The following CAMTA1 variants were observed in gnomAD, a reference collection of about 807,000 sequenced individuals.
The protein encoded by CAMTA1 is calmodulin-binding transcription activator 1.
Under a neutral mutation model 170.9 loss-of-function variants are expected in CAMTA1, and 27 were observed. The ratio of observed to expected loss-of-function variants is 0.16; its 90% CI spans 0.12 to 0.22. CAMTA1 has a LOEUF of 0.22. Among genes scored for constraint, CAMTA1 ranks in the 10% least tolerant of loss-of-function variants. CAMTA1 has a pLI of 1.00. For missense variants in CAMTA1, 1,619 were observed against 2,217.2 expected (o/e 0.73, Z 5.42); for synonymous variants, 833 against 891.5 (o/e 0.93, Z 1.17).
At chr1:6,786,542 T>C (rs1375520859) in intron 1 of CAMTA1, among the ~76,000 whole-genome samples, 3 of 152,204 alleles carry the variant, frequency 2.0e-5, no homozygotes. Flanking sequence ...CATGTTCTTC[T>C]TTCCTCACCC....
intron 3 of CAMTA1, among the ~76,000 whole-genome samples, chr1:6,853,807 G>T (rs951421986): frequency 4.6e-5 from 7 of 152,122 alleles, no homozygotes; most frequent in African/African-American, 1.7e-4. Context: ...ATAATTGCTT[G>T]GGATAAAGAC....
intron 22 of CAMTA1, among the ~76,000 whole-genome samples, chr1:7,764,991 T>C (rs552168450): frequency 2.5e-4 from 38 of 151,956 alleles, no homozygotes; most frequent in Non-Finnish European, 5.4e-4. Flanking sequence ...TTTACTGGTA[T>C]AACTTAAGAT....
At chr1:7,215,677 A>G (rs574594195) in intron 4 of CAMTA1, among the ~76,000 whole-genome samples, 179 of 152,358 alleles carry the variant, frequency 1.2e-3, no homozygotes, top group African/African-American at 4.1e-3. Flanking sequence ...TACAGGTGTG[A>G]GCCACCGTGC....
intron 1 of CAMTA1, among the ~76,000 whole-genome samples, chr1:6,817,191 C>T (rs1314718285): frequency 9.9e-5 from 15 of 152,128 alleles, no homozygotes; most frequent in Admixed American, 9.8e-4. Flanking sequence ...ATTAGTGTGT[C>T]CCACTGAACC....
chr1:7,103,152 G>C (rs929910702), intron 4 of CAMTA1, among the ~76,000 whole-genome samples: 18 of 151,982 alleles, frequency 1.2e-4, no homozygotes, highest in Non-Finnish European at 2.9e-5. Context: ...GGGTACCCTT[G>C]AACAGGGTAC....
chr1:6,834,256 T>A (rs1651859960), intron 3 of CAMTA1: 1 of 151,188 alleles, frequency 6.6e-6, no homozygotes, highest in Non-Finnish European at 1.5e-5. Context: ...ATTTATTTTT[T>A]AATTTTTATT....
chr1:7,230,449 C>G lies in CAMTA1; in HGVS notation c.303-19042C>G, dbSNP rs1375881471. Reference sequence around the variant, plus strand: ...CTGGGCTGACCCCCCCCCCCCGCCCCGCAAAGCTCTGTGGAAAGCGCCTTA... The same window carrying G: ...CTGGGCTGACCCCCCCCCCCCGCCCGGCAAAGCTCTGTGGAAAGCGCCTTA... On this transcript the variant is annotated intron_variant, in intron 4 of 22. Transcript: ENST00000303635. Among the ~76,000 whole-genome samples the G allele has an allele frequency of 2.4e-3, 274 of 115,752 alleles. 13 individuals carry two copies. Among genetic ancestry groups the G allele is most frequent in the Non-Finnish European group, 4.0e-3 (218 of 53,952 alleles). The allele number at this position is 115,752 out of a possible 152,430, so 75.9% of individuals were successfully genotyped here. A position where few individuals can be genotyped will look rare whatever the true frequency, so the allele number is the denominator to read the frequency against.
At position 7,249,550 on chromosome 1, in the gene CAMTA1, G is replaced by C. The variant is rs758905591; in HGVS notation, c.362G>C (p.Gly121Ala). Residue 121 changes from glycine to alanine, a missense_variant, in exon 5 of 23, where the codon GGG (glycine) becomes GCG (alanine). By Grantham distance (60) the Gly-to-Ala change is moderately conservative (BLOSUM62 0). Transcript: ENST00000303635. The surrounding 1 kb of genome is among the most constrained non-coding windows in gnomAD (Gnocchi z 4.4). ...AAGAAAGTGAAATACAGGAAAGATG[G>C]GTATTGCTGGAAAAAGAGGAAAGAT... ...NRKKVKYRKD[G>A]YCWKKRKDGK... 6.2e-7 allele frequency: 1 copy of C among 1,613,926 alleles called. No homozygotes were observed. The highest frequency in any genetic ancestry group is 1.1e-5 in the South Asian group (1 of 91,072).
At chr1:7,302,734 C>T (rs1674962879) in intron 5 of CAMTA1, among the ~76,000 whole-genome samples, 1 of 152,132 alleles carries the variant, frequency 6.6e-6, no homozygotes, top group South Asian at 2.1e-4. Context: ...TCAAGGGGAC[C>T]CTTTGGGGGA....
At chr1:7,335,740 T>C (rs2083339390) in intron 5 of CAMTA1, among the ~76,000 whole-genome samples, 1 of 149,262 alleles carries the variant, frequency 6.7e-6, no homozygotes. Context: ...ATTTTGCCAG[T>C]CAGTGGAGGT....
At chr1:7,478,841 G>A (rs1204142986) in intron 6 of CAMTA1, among the ~76,000 whole-genome samples, 5 of 152,168 alleles carry the variant, frequency 3.3e-5, no homozygotes, top group Non-Finnish European at 7.3e-5. Context: ...TCCTTTTCAT[G>A]TAATCTTCAG....
intron 5 of CAMTA1, among the ~76,000 whole-genome samples, chr1:7,440,525 C>G (rs1490994010): frequency 9.9e-5 from 15 of 152,206 alleles, no homozygotes; most frequent in Non-Finnish European, 1.5e-5. Context: ...AATCGGTTTC[C>G]AAAATTAGTC....
Position 7,768,340 on chromosome 1 carries a change from A to G in CAMTA1, c.*1849A>G, listed in dbSNP as rs1346266122. ...TTAACAATTAAACTGCTAATGTTAA[A>G]TTGAGAGAATAAAGTTCGTATTTGC... On this transcript the variant is annotated 3_prime_UTR_variant, in exon 23 of 23. Transcript: ENST00000303635. The G allele has an allele frequency of 6.5e-6, 1 of 152,806 alleles. No homozygotes were observed. Among genetic ancestry groups the G allele is most frequent in the African/African-American group, 2.4e-5 (1 of 41,458 alleles). The allele number at this position is 152,806 out of a possible 1,614,324, so 9.5% of individuals were successfully genotyped here. A position where few individuals can be genotyped will look rare whatever the true frequency, so the allele number is the denominator to read the frequency against.
chr1:7,268,348 G>A (rs1024340950), intron 5 of CAMTA1, among the ~76,000 whole-genome samples: 1 of 152,154 alleles, frequency 6.6e-6, no homozygotes, highest in Admixed American at 6.5e-5. Flanking sequence ...AGCTGTGTAT[G>A]CATCATGAAA....
At chr1:7,256,737 G>T (rs1277974920) in intron 5 of CAMTA1, among the ~76,000 whole-genome samples, 2 of 152,130 alleles carry the variant, frequency 1.3e-5, no homozygotes, top group Non-Finnish European at 2.9e-5. Flanking sequence ...ATTCCTCACG[G>T]TTCTAGAGGC....
intron 4 of CAMTA1, among the ~76,000 whole-genome samples, chr1:7,156,403 C>G (rs952000814): frequency 1.3e-5 from 2 of 152,044 alleles, no homozygotes; most frequent in Admixed American, 6.5e-5. Flanking sequence ...GTGAGAGAGA[C>G]ATGTGGGATC....
intron 3 of CAMTA1, among the ~76,000 whole-genome samples, chr1:6,958,754 T>A (rs1361539986): frequency 6.6e-6 from 1 of 152,220 alleles, no homozygotes; most frequent in African/African-American, 2.4e-5. Context: ...ATACAGTATT[T>A]ATTTTTTTTA....
intron 6 of CAMTA1, among the ~76,000 whole-genome samples, chr1:7,526,055 T>C (rs967770448): frequency 2.6e-5 from 4 of 152,048 alleles, no homozygotes; most frequent in Admixed American, 1.3e-4. Flanking sequence ...TTTTTGATAA[T>C]CAAGATTAAT....
intron 6 of CAMTA1, among the ~76,000 whole-genome samples, chr1:7,624,231 T>C (rs966909338): frequency 6.6e-4 from 100 of 152,228 alleles, no homozygotes; most frequent in African/African-American, 2.4e-3. Flanking sequence ...GACCACAGTT[T>C]GTCTCCCACA....
Sources: gnomAD v4.1 joint callset for allele counts (sites outside exome capture counted in the v4.1 genomes callset) on GRCh38, gnomAD v4.1.1 for gene constraint, Gnocchi (gnomAD v3.1) non-coding constraint, MANE v1.5 for transcripts, NCBI Gene and HGNC (gene_info 2026-07-23, HGNC 2026-07-21) for gene names.